The following SLC25A48 variants were observed in gnomAD, a reference collection of about 807,000 sequenced individuals.
SLC25A48 encodes solute carrier family 25 member 48, also known as CTC-321K16.1.
SLC25A48 carries 29 observed loss-of-function variants against 32.2 expected under a neutral mutation model. The observed-to-expected ratio is 0.90, with a 90% CI of 0.67 to 1.23. The LOEUF (loss-of-function observed/expected upper bound fraction) is 1.23. SLC25A48 is among the 50% of genes most tolerant of loss of function. The pLI is 0.00. For synonymous variants in SLC25A48, 164 were observed against 172.3 expected, an observed-to-expected ratio of 0.95 and a Z score of 0.38; for missense variants, 399 against 422.7, an observed-to-expected ratio of 0.94 and a Z score of 0.49.
chr5:135,785,526 C>CG, intron 3 of SLC25A48, among the ~76,000 whole-genome samples: 1 of 147,384 alleles, frequency 6.8e-6, no homozygotes, highest in East Asian at 2.1e-4. Flanking sequence ...GTGTGGAACA[C>CG]CCCCTTGCCC....
At chr5:135,886,614 T>A (rs1266212792) in intron 7 of SLC25A48, among the ~76,000 whole-genome samples, 19 of 24,894 alleles carry the variant, frequency 7.6e-4, no homozygotes, top group Non-Finnish European at 8.7e-4. Context: ...TATATATATA[T>A]ATATATATAT....
chr5:135,852,619 C>A lies in SLC25A48; in HGVS notation c.219C>A (p.Asn73Lys). 1.9e-6 allele frequency: 3 copies of A among 1,612,672 alleles called. No homozygotes were observed. The highest frequency in any genetic ancestry group is 2.5e-6 in the Non-Finnish European group (3 of 1,178,758). ...SFPLASIAVY[N>K]SVVFGVFSNT... ...CCCTCGCCAGCATTGCCGTCTACAA[C>A]TCCGTGGTGTTTGGGGTCTTCAGTA... Residue 73 changes from asparagine (N) to lysine (K), a missense_variant, in exon 4 of 8, where the codon AAC becomes AAA. By Grantham distance (94) the Asn-to-Lys change is moderately conservative. Transcript: ENST00000681962.
intron 4 of SLC25A48, among the ~76,000 whole-genome samples, chr5:135,862,257 C>G (rs374066173): frequency 2.0e-5 from 3 of 152,240 alleles, no homozygotes; most frequent in Non-Finnish European, 4.4e-5. Context: ...ACTCCTCCCC[C>G]ATCTGGGAGT....
rs1581074837 is a variant in SLC25A48 at position 135,884,569 on chromosome 5, A to G, written c.*8-3463A>G. ...GGCATGTCATTCTGGTGCATTGGAGAGGCTCTATTGATGGGAGAGACCAGC... is the reference window on the plus strand; with the variant it reads ...GGCATGTCATTCTGGTGCATTGGAGGGGCTCTATTGATGGGAGAGACCAGC... On this transcript the variant is annotated intron_variant, in intron 7 of 7. Transcript: ENST00000681962. Among the ~76,000 whole-genome samples the G allele has an allele frequency of 2.6e-5, 4 of 151,932 alleles. No homozygotes were observed. The South Asian group carries it at 8.3e-4, about 32-fold the overall frequency.
At chr5:135,690,061 G>T (rs1449636011) in intron 3 of SLC25A48, among the ~76,000 whole-genome samples, 1 of 152,162 alleles carries the variant, frequency 6.6e-6, no homozygotes, top group Non-Finnish European at 1.5e-5. Context: ...GCCTCGGTTT[G>T]CTTGGGGCTG....
chr5:135,802,523 A>T (rs775419595), intron 3 of SLC25A48, among the ~76,000 whole-genome samples: 4 of 151,446 alleles, frequency 2.6e-5, no homozygotes, highest in Non-Finnish European at 5.9e-5. Context: ...CTTGGAAGAT[A>T]TCACTCTTAG....
At chr5:135,589,358 C>T (rs1209379847) in intron 1 of SLC25A48, among the ~76,000 whole-genome samples, 1 of 152,176 alleles carries the variant, frequency 6.6e-6, no homozygotes, top group African/African-American at 2.4e-5. Flanking sequence ...CATAGTGCGA[C>T]GAAAAGGGAA....
intron 3 of SLC25A48, among the ~76,000 whole-genome samples, chr5:135,732,473 CA>C (rs147598083): frequency 0.01 from 1,537 of 152,268 alleles, 35 homozygotes; most frequent in African/African-American, 0.035. Context: ...TGAGTAAAGT[CA>C]ATTTGCCAGT....
intron 7 of SLC25A48, chr5:135,882,941 G>C (rs17169308): frequency 0.11 from 59,551 of 551,072 alleles, 3,408 homozygotes; most frequent in Non-Finnish European, 0.11. Context: ...GCCTCTGCCA[G>C]TCTGTACTTT....
chr5:135,682,570 C>T (rs1408766214), intron 3 of SLC25A48, among the ~76,000 whole-genome samples: 4 of 152,166 alleles, frequency 2.6e-5, no homozygotes, highest in Non-Finnish European at 4.4e-5. Flanking sequence ...AGAGAATTAA[C>T]TAATCACCAC....
At chr5:135,758,328 G>A (rs905310398) in intron 3 of SLC25A48, among the ~76,000 whole-genome samples, 5 of 150,408 alleles carry the variant, frequency 3.3e-5, no homozygotes, top group African/African-American at 1.2e-4. Context: ...ACACACTGTG[G>A]TATTAATAGA....
chr5:135,616,211 G>T (rs552722162), intron 1 of SLC25A48, among the ~76,000 whole-genome samples: 1 of 152,154 alleles, frequency 6.6e-6, no homozygotes, highest in Non-Finnish European at 1.5e-5. Context: ...TCCATTGGGG[G>T]ACTACCTAGT....
intron 3 of SLC25A48, among the ~76,000 whole-genome samples, chr5:135,660,294 C>T (rs1580763441): frequency 6.6e-6 from 1 of 152,324 alleles, no homozygotes; most frequent in South Asian, 2.1e-4. Context: ...ATGATACAAT[C>T]AAGATGCAGT....
At chr5:135,600,751 C>G (rs865816479) in intron 1 of SLC25A48, among the ~76,000 whole-genome samples, 14 of 151,972 alleles carry the variant, frequency 9.2e-5, no homozygotes, top group Non-Finnish European at 1.5e-4. Context: ...GGTGCAATCT[C>G]GGCTCACTGC....
At chr5:135,885,720 G>A (rs548630598) in intron 7 of SLC25A48, among the ~76,000 whole-genome samples, 9 of 152,238 alleles carry the variant, frequency 5.9e-5, no homozygotes, top group Non-Finnish European at 1.2e-4. Flanking sequence ...AAATTAATGG[G>A]CAAAAATGCA....
rs1167024709 is a variant in SLC25A48 at position 135,671,249 on chromosome 5, C to T, written c.-521+36293C>T. On this transcript the variant is annotated intron_variant, in intron 3 of 10. Coordinates refer to the SLC25A48 transcript ENST00000646290. ...ATTCACAGGTGTGCCCATACAAGCCCAGACCTGGAGCTGGGAAGTTTGTCA... is the reference window on the plus strand; with the variant it reads ...ATTCACAGGTGTGCCCATACAAGCCTAGACCTGGAGCTGGGAAGTTTGTCA... Among the ~76,000 whole-genome samples, 8 of 152,340 alleles carry T rather than the reference C, an allele frequency of 5.3e-5. No homozygotes were observed. The East Asian group carries it at 1.5e-3, about 29-fold the overall frequency.
chr5:135,751,011 C>T (rs1408289803), intron 3 of SLC25A48, among the ~76,000 whole-genome samples: 2 of 152,210 alleles, frequency 1.3e-5, no homozygotes, highest in Admixed American at 6.5e-5. Flanking sequence ...CATCTTAAAC[C>T]AGCGGCCCTG....
intron 3 of SLC25A48, among the ~76,000 whole-genome samples, chr5:135,699,392 A>G (rs1462630486): frequency 8.3e-6 from 1 of 121,210 alleles, no homozygotes; most frequent in African/African-American, 3.1e-5. Context: ...TCCCCCAAAA[A>G]CATTACGCTG....
At chr5:135,880,189 T>C (rs1762365241) in intron 7 of SLC25A48, 92 bp downstream of exon 7, 5 of 1,454,704 alleles carry the variant, frequency 3.4e-6, no homozygotes, top group Non-Finnish European at 4.5e-6. Context: ...CCTTCTGAAA[T>C]GTCCTGTTGT....
Sources: gnomAD v4.1 joint callset for allele counts (sites outside exome capture counted in the v4.1 genomes callset) on GRCh38, gnomAD v4.1.1 for gene constraint, MANE v1.5 for transcripts, NCBI Gene and HGNC (gene_info 2026-07-23, HGNC 2026-07-21) for gene names.